The following SNX25 variants were observed in gnomAD, a reference collection of about 807,000 sequenced individuals.
The protein encoded by SNX25 is sorting nexin-25.
SNX25 carries 62 observed loss-of-function variants against 113.7 expected under a neutral mutation model. The observed-to-expected ratio is 0.55, with a 90% CI of 0.44 to 0.67. SNX25 has a LOEUF of 0.67. SNX25 is among the 30% of genes least tolerant of loss of function. The probability of loss-of-function intolerance (pLI) is 0.00; values close to 1 mark genes in which losing one functional copy is unlikely to be tolerated. For synonymous variants in SNX25, 421 were observed against 436.2 expected (o/e 0.97, Z 0.43); for missense variants, 1,014 against 1,161.0 (o/e 0.87, Z 1.84).
intron 8 of SNX25, among the ~76,000 whole-genome samples, chr4:185,321,108 G>C (rs1386264069): frequency 6.6e-6 from 1 of 151,954 alleles, no homozygotes; most frequent in Non-Finnish European, 1.5e-5. Context: ...ATTGAATTTA[G>C]TTTTGGGTAT....
At position 185,354,494 on chromosome 4, in the gene SNX25, C is replaced by T. The variant is rs139185030; in HGVS notation, c.2584+892C>T. Among the ~76,000 whole-genome samples, 501 of 152,286 alleles carry T rather than the reference C, an allele frequency of 3.3e-3. 2 individuals carry two copies. The highest frequency in any genetic ancestry group is 0.011 in the African/African-American group (457 of 41,562). ...AGGTAGAGTCTGGGATACTGCTAAA[C>T]ATTCTACTGTGCTCAGGACAGCCCC... On this transcript the variant is annotated intron_variant, in intron 15 of 18. Transcript: ENST00000652585.
At chr4:185,318,188 A>G (rs530438967) in intron 7 of SNX25, among the ~76,000 whole-genome samples, 8 of 152,216 alleles carry the variant, frequency 5.3e-5, no homozygotes, top group African/African-American at 1.9e-4. Context: ...ATTTCTGAAA[A>G]TTTGCCAACT....
chr4:185,336,250 T>C (rs2126714121), intron 10 of SNX25, among the ~76,000 whole-genome samples: 2 of 152,338 alleles, frequency 1.3e-5, no homozygotes, highest in South Asian at 4.1e-4. Flanking sequence ...TGGTGCTTTC[T>C]GAGATTTTGG....
At chr4:185,268,430 A>G (rs1560952873) in intron 5 of SNX25, among the ~76,000 whole-genome samples, 1 of 152,194 alleles carries the variant, frequency 6.6e-6, no homozygotes, top group Non-Finnish European at 1.5e-5. Context: ...TTTTAATAGT[A>G]TATACACATT....
chr4:185,261,114 C>CTCTCTG (rs1466393084), intron 3 of SNX25, among the ~76,000 whole-genome samples: 2 of 141,658 alleles, frequency 1.4e-5, no homozygotes, highest in Non-Finnish European at 3.1e-5. Flanking sequence ...CTGTCTGTCT[C>CTCTCTG]TGTGTGTGTG....
chr4:185,375,590 CTG>C, the SNX25 span: 3 of 1,367,080 alleles, frequency 2.2e-6, no homozygotes, highest in Non-Finnish European at 2.9e-6. Context: ...ATCTTAACCA[CTG>C]TGACCAAGAC....
intron 1 of SNX25, among the ~76,000 whole-genome samples, chr4:185,222,600 T>G (rs1009613653): frequency 3.3e-5 from 5 of 152,246 alleles, no homozygotes; most frequent in African/African-American, 9.6e-5. Context: ...GTTGTCACAG[T>G]TGTAATTTTA....
intron 9 of SNX25, 73 bp from the exon 10 acceptor site, chr4:185,332,522 G>A (rs1054027765): frequency 7.3e-7 from 1 of 1,378,038 alleles, no homozygotes; most frequent in Non-Finnish European, 9.7e-7. Flanking sequence ...TTTGCAACAG[G>A]GTATCGTGAC....
intron 11 of SNX25, among the ~76,000 whole-genome samples, chr4:185,341,047 T>C (rs1273664155): frequency 6.6e-6 from 1 of 152,222 alleles, no homozygotes; most frequent in Non-Finnish European, 1.5e-5. Context: ...GAGTGGGTGC[T>C]CAGTAAACCT....
intron 1 of SNX25, among the ~76,000 whole-genome samples, chr4:185,246,565 C>T (rs1560931109): frequency 6.6e-6 from 1 of 151,966 alleles, no homozygotes; most frequent in Non-Finnish European, 1.5e-5. Context: ...CTTTGGTTTT[C>T]TTTTGAGTTA....
At chr4:185,239,207 C>T (rs964084091) in intron 1 of SNX25, among the ~76,000 whole-genome samples, 18 of 152,002 alleles carry the variant, frequency 1.2e-4, no homozygotes, top group South Asian at 2.1e-4. Context: ...TTCTGCCAGG[C>T]GCGGTGGCTC....
At chr4:185,290,660 A>G (rs941575761) in intron 6 of SNX25, among the ~76,000 whole-genome samples, 21 of 149,326 alleles carry the variant, frequency 1.4e-4, no homozygotes, top group Admixed American at 1.1e-3. Flanking sequence ...ATAAGGACAA[A>G]GTAACTGTCA....
chr4:185,352,410 C>T (rs1011119204), intron 14 of SNX25, among the ~76,000 whole-genome samples: 13 of 152,140 alleles, frequency 8.5e-5, no homozygotes, highest in African/African-American at 1.4e-4. Context: ...TCAGCTGGGG[C>T]GGAAGTCAGC....
intron 9 of SNX25, among the ~76,000 whole-genome samples, chr4:185,331,070 C>T (rs1024801719): frequency 1.3e-5 from 2 of 152,158 alleles, no homozygotes; most frequent in Admixed American, 1.3e-4. Context: ...GAAATGTCTA[C>T]CTTCACCTCG....
intron 2 of SNX25, among the ~76,000 whole-genome samples, chr4:185,256,085 T>C (rs1421881790): frequency 6.6e-6 from 1 of 152,210 alleles, no homozygotes; most frequent in Admixed American, 6.5e-5. Context: ...GGTTTTGCTT[T>C]TGTTTTACCT....
intron 2 of SNX25, among the ~76,000 whole-genome samples, chr4:185,252,132 C>T (rs889467760): frequency 5.9e-5 from 9 of 152,222 alleles, no homozygotes; most frequent in African/African-American, 1.9e-4. Flanking sequence ...AAAATTCATG[C>T]ATTTGGCAGT....
At chr4:185,298,948 A>G (rs573331208) in intron 6 of SNX25, among the ~76,000 whole-genome samples, 1 of 152,114 alleles carries the variant, frequency 6.6e-6, no homozygotes, top group Non-Finnish European at 1.5e-5. Flanking sequence ...CAGTTACTCA[A>G]CCTTTCTTGA....
chr4:185,338,423 C>T (rs974808607), intron 10 of SNX25, among the ~76,000 whole-genome samples: 4 of 151,680 alleles, frequency 2.6e-5, no homozygotes, highest in East Asian at 1.9e-4. Context: ...TTATAGGCGC[C>T]GCCCCCAACC....
intron 9 of SNX25, among the ~76,000 whole-genome samples, chr4:185,328,755 G>C (rs113498395): frequency 1.3e-5 from 2 of 152,162 alleles, no homozygotes; most frequent in Non-Finnish European, 2.9e-5. Context: ...GGACATGAAC[G>C]CGAGCAGTGC....
Sources: allele counts gnomAD v4.1 joint callset (sites outside exome capture counted in the v4.1 genomes callset), GRCh38; gene constraint gnomAD v4.1.1; transcripts MANE v1.5; gene names NCBI Gene and HGNC (gene_info 2026-07-23, HGNC 2026-07-21).